Variants in GUCY2C observed in about 807,000 individuals in gnomAD.
GUCY2C encodes guanylate cyclase 2C, also known as guanylyl cyclase C.
A neutral mutation model predicts 131.1 loss-of-function variants in GUCY2C; 118 were observed. That is an observed-to-expected ratio of 0.90 (90% CI 0.78 to 1.05). The LOEUF (loss-of-function observed/expected upper bound fraction) is 1.05. GUCY2C is among the 50% of genes least tolerant of loss of function. The pLI is 0.00. For synonymous variants in GUCY2C, 452 were observed against 457.8 expected, an observed-to-expected ratio of 0.99 and a Z score of 0.16; for missense variants, 1,161 against 1,304.4, an observed-to-expected ratio of 0.89 and a Z score of 1.69.
chr12:14,681,615 C>T (rs1948350356), intron 4 of GUCY2C, 138 bp from the exon 5 acceptor site: 4 of 667,130 alleles, frequency 6.0e-6, no homozygotes, highest in Non-Finnish European at 1.0e-5. Flanking sequence ...AGACAGCACA[C>T]ACCATGATAC....
chr12:14,634,785 A>G (rs1384496259), intron 19 of GUCY2C, among the ~76,000 whole-genome samples: 2 of 152,218 alleles, frequency 1.3e-5, no homozygotes, highest in African/African-American at 4.8e-5. Flanking sequence ...CATGCAAATG[A>G]AAACCAAAAG....
chr12:14,630,750 G>A lies in GUCY2C; in HGVS notation c.2158-2013C>T, dbSNP rs190170751. 1.8e-4 allele frequency among the ~76,000 whole-genome samples: 28 copies of A among 152,260 alleles called. No homozygotes were observed. In the East Asian group the frequency reaches 4.1e-3, roughly 22 times the overall value. On this transcript the variant is annotated intron_variant, in intron 19 of 26. Coordinates refer to ENST00000261170, the MANE Select transcript of GUCY2C (RefSeq NM_004963.4). ...CTCTACTGGGTGTTTCTGGGGCATT[G>A]CTGAGTGATCTAGTTTCGACTCTGT... is the stretch of plus-strand genomic sequence containing the variant.
rs967168179 is a variant in GUCY2C at position 14,625,999 on chromosome 12, A to C, written c.2250-84T>G. 1.1e-5 allele frequency: 9 copies of C among 795,188 alleles called. No individual in the cohort carries two copies. In the African/African-American group the frequency reaches 1.6e-4, roughly 14 times the overall value. The allele number at this position is 795,188 out of a possible 1,614,324, so 49.3% of individuals were successfully genotyped here. A position where few individuals can be genotyped will look rare whatever the true frequency, so the allele number is the denominator to read the frequency against. On this transcript the variant is annotated intron_variant, in intron 20 of 26. Coordinates refer to ENST00000261170, the MANE Select transcript of GUCY2C (RefSeq NM_004963.4). ...ATAAAACAATGGACAAATATGATGA[A>C]CAGATAATTAAACAAAGAAAAATAA...
intron 12 of GUCY2C, among the ~76,000 whole-genome samples, chr12:14,654,522 G>A (rs1261679218): frequency 1.3e-5 from 2 of 152,108 alleles, no homozygotes; most frequent in African/African-American, 2.4e-5. Flanking sequence ...CTGTCCCAAA[G>A]ACCTATTTCC....
rs1947443005 is a variant in GUCY2C at position 14,643,157 on chromosome 12, G to A, written c.1930+417C>T. Reference sequence around the variant, plus strand: ...TTATTACCACACATAAATGAATGATGTCTTGAATGGGAAATGGGTCTTCTG... The same window carrying A: ...TTATTACCACACATAAATGAATGATATCTTGAATGGGAAATGGGTCTTCTG... On this transcript the variant is annotated intron_variant, in intron 17 of 26. Transcript: ENST00000261170. Among the ~76,000 whole-genome samples, 4 of 152,304 alleles carry A rather than the reference G, an allele frequency of 2.6e-5. No individual in the cohort carries two copies. The South Asian group carries it at 8.3e-4, about 32-fold the overall frequency.
chr12:14,641,332 A>G, intron 17 of GUCY2C, 113 bp from the exon 18 acceptor site: 1 of 1,068,594 alleles, frequency 9.4e-7, no homozygotes, highest in Non-Finnish European at 1.4e-6. Flanking sequence ...TATGGGTGAT[A>G]GCTTATAAGT....
chr12:14,681,796 A>G (rs1287861945), intron 4 of GUCY2C, among the ~76,000 whole-genome samples: 1 of 152,198 alleles, frequency 6.6e-6, no homozygotes, highest in Non-Finnish European at 1.5e-5. Context: ...GTGAGTTGTC[A>G]TGATATCTGA....
Position 14,622,100 on chromosome 12 carries a change from T to C in GUCY2C, c.2506A>G (p.Ile836Val), listed in dbSNP as rs1278157826. Residue 836 changes from isoleucine to valine, a missense_variant, in exon 22 of 27, where the codon ATC becomes GTC. Physicochemically the swap from Ile to Val is conservative, Grantham distance 29. Transcript: ENST00000261170. ...YFSDIVGFTT[I>V]CKYSTPMEVV... ...TCCATGGGGGTGCTGTATTTGCAGATAGTAGTGAAACCTACAATGTCACTG... is the reference window on the plus strand; with the variant it reads ...TCCATGGGGGTGCTGTATTTGCAGACAGTAGTGAAACCTACAATGTCACTG... 4.3e-6 allele frequency: 7 copies of C among 1,609,570 alleles called. No individual in the cohort carries two copies. The highest frequency in any genetic ancestry group is 1.1e-5 in the South Asian group (1 of 90,234).
At chr12:14,633,713 C>A (rs1037902217) in intron 19 of GUCY2C, among the ~76,000 whole-genome samples, 4 of 150,192 alleles carry the variant, frequency 2.7e-5, no homozygotes, top group African/African-American at 9.8e-5. Flanking sequence ...GAAATAGATA[C>A]CATAAAAAAG....
intron 12 of GUCY2C, among the ~76,000 whole-genome samples, chr12:14,654,113 CAAAT>C (rs1317081906): frequency 1.3e-5 from 2 of 152,210 alleles, no homozygotes; most frequent in African/African-American, 4.8e-5. Flanking sequence ...TTTTTACCCT[CAAAT>C]GAATGATCAT....
chr12:14,640,748 G>A (rs1947383147), intron 18 of GUCY2C, among the ~76,000 whole-genome samples: 1 of 152,148 alleles, frequency 6.6e-6, no homozygotes, highest in Non-Finnish European at 1.5e-5. Flanking sequence ...ACTAAAATAT[G>A]TATGTCATCC....
chr12:14,649,656 T>C (rs1194436871), intron 15 of GUCY2C, among the ~76,000 whole-genome samples: 1 of 152,240 alleles, frequency 6.6e-6, no homozygotes, highest in Non-Finnish European at 1.5e-5. Flanking sequence ...AAAAACCACA[T>C]GAGCATTTTA....
At chr12:14,631,533 ATCCATG>A (rs1279324533) in intron 19 of GUCY2C, among the ~76,000 whole-genome samples, 1 of 152,034 alleles carries the variant, frequency 6.6e-6, no homozygotes, top group East Asian at 1.9e-4. Flanking sequence ...TTCCAATTTC[ATCCATG>A]TCCCTACAAA....
intron 10 of GUCY2C, among the ~76,000 whole-genome samples, chr12:14,663,063 CT>C (rs1947901997): frequency 6.6e-6 from 1 of 152,132 alleles, no homozygotes; most frequent in African/African-American, 2.4e-5. Flanking sequence ...AGAAAGAGGG[CT>C]AGCGAAGATG....
chr12:14,664,297 T>G (rs1401902546), intron 10 of GUCY2C, among the ~76,000 whole-genome samples: 1 of 152,132 alleles, frequency 6.6e-6, no homozygotes, highest in Non-Finnish European at 1.5e-5. Context: ...TCTCACGCCC[T>G]AAACCCCAGA....
At position 14,616,679 on chromosome 12, in the gene GUCY2C, G is replaced by A. The variant is rs780889065; in HGVS notation, c.2924C>T (p.Thr975Ile). The change falls in exon 25 of 27, where the codon ACT becomes ATT. Residue 975 changes from threonine (T) to isoleucine (I), a missense_variant. By Grantham distance (89) the Thr-to-Ile change is moderately conservative. Transcript: ENST00000261170. The stretch of plus-strand genomic sequence containing the variant: ...CACTTCATAAAGGAACTGGCACTCA[G>A]TTCTCTTCAGGATGGCTATGGTGGA... ...SGSTIAILKR[T>I]ECQFLYEVRG... 1.2e-6 allele frequency: 2 copies of A among 1,608,842 alleles called. No homozygotes were observed. The highest frequency in any genetic ancestry group is 8.5e-7 in the Non-Finnish European group (1 of 1,175,376).
Position 14,683,251 on chromosome 12 carries a change from G to T in GUCY2C, c.402C>A (p.Asp134Glu). 1 of 1,609,622 alleles carries T rather than the reference G, an allele frequency of 6.2e-7. No homozygotes were observed. The highest frequency in any genetic ancestry group is 1.1e-5 in the South Asian group (1 of 90,952). Residue 134 changes from aspartate to glutamate, a missense_variant, in exon 4 of 27, where the codon GAC becomes GAA. Asp to Glu is a conservative substitution (Grantham distance 45). Transcript: ENST00000261170. ...AGATCATGGGGTAGCTCAATTCTGT[G>T]TCAAGGCTATGTCAAGAGGTTGAGG... is the stretch of plus-strand genomic sequence containing the variant. ...CTYSTFQMYL[D>E]TELSYPMISA...
intron 19 of GUCY2C, among the ~76,000 whole-genome samples, chr12:14,631,159 A>G (rs1947135370): frequency 6.6e-6 from 1 of 152,088 alleles, no homozygotes; most frequent in Non-Finnish European, 1.5e-5. Flanking sequence ...TGGAAGGAAA[A>G]TGTTTCTATT....
chr12:14,679,816 A>C (rs1224911963), intron 5 of GUCY2C, 63 bp from the exon 6 acceptor site: 1 of 817,254 alleles, frequency 1.2e-6, no homozygotes, highest in Non-Finnish European at 2.1e-6. Context: ...CAGGCAGGGA[A>C]CCAGTTGCCT....
Sources: allele counts gnomAD v4.1 joint callset (sites outside exome capture counted in the v4.1 genomes callset), GRCh38; gene constraint gnomAD v4.1.1; transcripts MANE v1.5; gene names NCBI Gene and HGNC (gene_info 2026-07-23, HGNC 2026-07-21).